TRMT44: variants seen among roughly 807,000 people sequenced by gnomAD.
TRMT44 encodes the protein probable tRNA (uracil-O(2)-)-methyltransferase.
Under a neutral mutation model 77.3 loss-of-function variants are expected in TRMT44, and 78 were observed. The observed-to-expected ratio is 1.01, with a 90% CI of 0.84 to 1.22. The LOEUF (loss-of-function observed/expected upper bound fraction) is 1.22. Among genes scored for constraint, TRMT44 ranks in the 50% most tolerant of loss-of-function variants. The pLI is 0.00. For missense variants in TRMT44, 1,090 were observed against 964.4 expected, an observed-to-expected ratio of 1.13 and a Z score of -1.73; for synonymous variants, 391 against 383.3, an observed-to-expected ratio of 1.02 and a Z score of -0.23.
chr4:8,448,945 T>C (rs569530761), intron 2 of TRMT44, among the ~76,000 whole-genome samples: 1 of 152,350 alleles, frequency 6.6e-6, no homozygotes, highest in South Asian at 2.1e-4. Flanking sequence ...ATCGTAGCTT[T>C]CTCTCATCTG....
chr4:8,455,795 C>G (rs1725770747), intron 6 of TRMT44, among the ~76,000 whole-genome samples: 1 of 152,060 alleles, frequency 6.6e-6, no homozygotes, highest in African/African-American at 2.4e-5. Flanking sequence ...ACAGCTGGCC[C>G]TTGAACAACA....
chr4:8,506,381 C>T, the TRMT44 span, among the ~76,000 whole-genome samples: 18,032 of 152,250 alleles, frequency 0.12, 1,378 homozygotes, highest in African/African-American at 0.21. Flanking sequence ...ACTGGAATTC[C>T]GCATTTCTTT....
intron 2 of TRMT44, among the ~76,000 whole-genome samples, chr4:8,489,079 T>C (rs1727912379): frequency 6.6e-6 from 1 of 152,252 alleles, no homozygotes; most frequent in African/African-American, 2.4e-5. Context: ...TGAAAGGAAC[T>C]GTGTCATCCG....
intron 9 of TRMT44, among the ~76,000 whole-genome samples, chr4:8,470,110 G>T (rs1248887524): frequency 2.0e-5 from 3 of 152,258 alleles, no homozygotes; most frequent in Admixed American, 6.5e-5. Flanking sequence ...TGCTGGGCCA[G>T]AGCCGGGGCA....
At chr4:8,445,709 C>T (rs537529420) in intron 1 of TRMT44, among the ~76,000 whole-genome samples, 1 of 152,360 alleles carries the variant, frequency 6.6e-6, no homozygotes. Flanking sequence ...TGCTTTCCAT[C>T]TGAATCCACT....
In TRMT44 at chr4:8,457,114, A is replaced by G. The variant is rs1560228006; in HGVS notation, c.1203+2301A>G. ...CTGCCTGAACAGGTTTTTAATGCAG[A>G]TGAAAGTACCCTATTCTGGAAAAAA... On this transcript the variant is annotated intron_variant, in intron 6 of 10. Coordinates refer to ENST00000389737, the MANE Select transcript of TRMT44 (RefSeq NM_152544.3). Among the ~76,000 whole-genome samples, 5 of 151,880 alleles carry G rather than the reference A, an allele frequency of 3.3e-5. No individual in the cohort carries two copies. The South Asian group carries it at 8.3e-4, about 25-fold the overall frequency.
At position 8,471,833 on chromosome 4, in the gene TRMT44, C is replaced by A. The variant is rs76487358; in HGVS notation, c.2044+633C>A. ...AGACACATCCCTGGCCTTCTGGAGC[C>A]GGTGGTGCAGTGAGGGAGGGGGGAG... On this transcript the variant is annotated intron_variant, in intron 10 of 10. Coordinates refer to ENST00000389737, the MANE Select transcript of TRMT44 (RefSeq NM_152544.3). Among the ~76,000 whole-genome samples the A allele has an allele frequency of 7.2e-5, 11 of 152,304 alleles. No homozygotes were observed. The East Asian group carries it at 1.7e-3, about 24-fold the overall frequency.
chr4:8,441,272 C>G lies in TRMT44; in HGVS notation c.450C>G (p.Ser150=), dbSNP rs1465661405. 6.5e-7 allele frequency: 1 copy of G among 1,535,468 alleles called. No individual in the cohort carries two copies. Among genetic ancestry groups the G allele is most frequent in the African/African-American group, 1.4e-5 (1 of 73,058 alleles). The change falls in exon 1 of 11, where the codon TCC becomes TCG. Residue 150 remains serine, a synonymous_variant. Transcript: ENST00000389737. The part of the protein sequence containing the change: ...ADLDSLWEDF[S]QSLARGNSEL... ...TGGATTCGCTTTGGGAGGATTTCTCCCAAAGTCTCGCCCGTGGCAATTCGG... is the reference window on the plus strand; with the variant it reads ...TGGATTCGCTTTGGGAGGATTTCTCGCAAAGTCTCGCCCGTGGCAATTCGG...
chr4:8,457,256 T>C (rs73213410), intron 6 of TRMT44, among the ~76,000 whole-genome samples: 3,986 of 152,226 alleles, frequency 0.026, 98 homozygotes, highest in African/African-American at 0.066. Context: ...TCTGTAAAGC[T>C]GCTAAGCCCA....
chr4:8,494,965 T>A (rs1313826504), downstream of TRMT44, among the ~76,000 whole-genome samples: 1 of 152,190 alleles, frequency 6.6e-6, no homozygotes, highest in Non-Finnish European at 1.5e-5. Context: ...CGCGATGTAG[T>A]GCATGGTAAG....
chr4:8,503,412 C>T, the TRMT44 span, among the ~76,000 whole-genome samples: 33 of 152,330 alleles, frequency 2.2e-4, no homozygotes, highest in South Asian at 6.2e-3. Flanking sequence ...CATGGGAATC[C>T]GGACCCAGGT....
intron 2 of TRMT44, among the ~76,000 whole-genome samples, chr4:8,483,625 A>G (rs946164658): frequency 2.6e-5 from 4 of 152,198 alleles, no homozygotes; most frequent in African/African-American, 4.8e-5. Context: ...TTAAAAGACC[A>G]TTAGTCTGTT....
intron 10 of TRMT44, among the ~76,000 whole-genome samples, chr4:8,474,250 C>T (rs1727216320): frequency 6.6e-6 from 1 of 152,236 alleles, no homozygotes; most frequent in Non-Finnish European, 1.5e-5. Flanking sequence ...TCCTCCTGAG[C>T]ACCCTTTAGA....
intron 3 of TRMT44, 65 bp downstream of exon 3, chr4:8,449,953 T>TA: frequency 1.5e-5 from 8 of 545,116 alleles, no homozygotes; most frequent in Non-Finnish European, 1.8e-5. Context: ...TCTTTTCTTT[T>TA]TTTTTTTTTT....
In TRMT44 at chr4:8,441,315, A is replaced by C; in HGVS notation, c.493A>C (p.Thr165Pro). 6.5e-7 allele frequency: 1 copy of C among 1,535,564 alleles called. No individual in the cohort carries two copies. Among genetic ancestry groups the C allele is most frequent in the South Asian group, 1.2e-5 (1 of 83,820 alleles). The change falls in exon 1 of 11, where the codon ACC becomes CCC. Residue 165 changes from threonine to proline, a missense_variant. Thr to Pro is a conservative substitution (Grantham distance 38). Transcript: ENST00000389737. ...CAATTCGGAGTTGCTGGCCTTCCTC[A>C]CCAGCTCCGGGGCGGGATCGCAGCC... ...RGNSELLAFL[T>P]SSGAGSQPEA... is the part of the protein sequence containing the mutation.
chr4:8,466,470 A>G (rs952011336), intron 8 of TRMT44, among the ~76,000 whole-genome samples: 1 of 152,240 alleles, frequency 6.6e-6, no homozygotes, highest in Non-Finnish European at 1.5e-5. Flanking sequence ...GGCTGCCGTC[A>G]TAGCCGTGCA....
intron 2 of TRMT44, among the ~76,000 whole-genome samples, chr4:8,484,948 C>T (rs1003856655): frequency 4.6e-5 from 7 of 152,124 alleles, no homozygotes; most frequent in Non-Finnish European, 1.0e-4. Context: ...GAAATTTGAG[C>T]TTTGGAGGGG....
At chr4:8,495,693 C>T (rs1351407145), downstream of TRMT44, among the ~76,000 whole-genome samples, 2 of 152,310 alleles carry the variant, frequency 1.3e-5, no homozygotes, top group East Asian at 3.9e-4. Context: ...TCTCAGCGCA[C>T]ACCCTGTCCT....
At chr4:8,467,394 A>G (rs1056858337) in intron 8 of TRMT44, among the ~76,000 whole-genome samples, 2 of 152,246 alleles carry the variant, frequency 1.3e-5, no homozygotes, top group African/African-American at 2.4e-5. Flanking sequence ...AGATCTAACA[A>G]TGATGAGAGG....
Sources: allele counts gnomAD v4.1 joint callset (sites outside exome capture counted in the v4.1 genomes callset), GRCh38; gene constraint gnomAD v4.1.1; transcripts MANE v1.5; gene names NCBI Gene and HGNC (gene_info 2026-07-23, HGNC 2026-07-21).